The following MPPED2 variants were observed in gnomAD, a reference collection of about 807,000 sequenced individuals.
MPPED2 encodes metallophosphoesterase MPPED2.
In MPPED2, 5 loss-of-function variants were observed where a neutral mutation model predicts 33.0. That is an observed-to-expected ratio of 0.15 (90% CI 0.08 to 0.32). The LOEUF (loss-of-function observed/expected upper bound fraction) is 0.32. Ranked by LOEUF, MPPED2 falls within the 10% of genes least tolerant of loss-of-function variation. The probability of loss-of-function intolerance (pLI) is 1.00; values close to 1 mark genes in which losing one functional copy is unlikely to be tolerated. For synonymous variants in MPPED2, 136 were observed against 141.9 expected (o/e 0.96, Z 0.29); for missense variants, 275 against 372.1 (o/e 0.74, Z 2.15).
intron 2 of MPPED2, among the ~76,000 whole-genome samples, chr11:30,574,636 G>A (rs578046906): frequency 8.4e-4 from 128 of 152,206 alleles, no homozygotes; most frequent in African/African-American, 2.9e-3. Context: ...TTCCTTGATT[G>A]CAATATAAAA....
At chr11:30,468,922 T>C (rs1393561569) in intron 4 of MPPED2, 1 of 152,240 alleles carries the variant, frequency 6.6e-6, no homozygotes, top group Non-Finnish European at 1.5e-5. Context: ...TAGCCAGCCC[T>C]CCCTACACCT....
intron 2 of MPPED2, among the ~76,000 whole-genome samples, chr11:30,539,259 T>C (rs1954973516): frequency 6.6e-6 from 1 of 152,170 alleles, no homozygotes; most frequent in African/African-American, 2.4e-5. Flanking sequence ...TATATTTTCA[T>C]CCTTAGTTTA....
downstream of MPPED2, among the ~76,000 whole-genome samples, chr11:30,408,397 T>C (rs1488657321): frequency 6.6e-6 from 1 of 152,198 alleles, no homozygotes; most frequent in African/African-American, 2.4e-5. Context: ...CTGCAACCTC[T>C]GCCTCCTGGG....
At chr11:30,559,882 A>G (rs1384796112) in intron 2 of MPPED2, among the ~76,000 whole-genome samples, 1 of 152,008 alleles carries the variant, frequency 6.6e-6, no homozygotes, top group East Asian at 1.9e-4. Context: ...TCTTCACATT[A>G]TGCCCTATTT....
At chr11:30,402,206 C>A (rs1947918669) in intron 6 of MPPED2, among the ~76,000 whole-genome samples, 1 of 152,156 alleles carries the variant, frequency 6.6e-6, no homozygotes, top group African/African-American at 2.4e-5. Context: ...GCATCCCAGC[C>A]AAGCTATTCA....
At chr11:30,524,597 T>C (rs1954065289) in intron 3 of MPPED2, among the ~76,000 whole-genome samples, 1 of 152,150 alleles carries the variant, frequency 6.6e-6, no homozygotes, top group South Asian at 2.1e-4. Flanking sequence ...GGTCAGGCTA[T>C]AGTGGGTGAT....
chr11:30,572,788 C>T (rs1023950129), intron 2 of MPPED2, among the ~76,000 whole-genome samples: 13 of 152,054 alleles, frequency 8.5e-5, no homozygotes, highest in African/African-American at 2.9e-4. Context: ...CTTCTCTCAC[C>T]ACCATATCCC....
intron 2 of MPPED2, among the ~76,000 whole-genome samples, chr11:30,557,973 G>T (rs368668598): frequency 9.2e-5 from 14 of 152,136 alleles, no homozygotes; most frequent in Admixed American, 9.2e-4. Flanking sequence ...AAATAAATAC[G>T]AGTAAAGATA....
At chr11:30,524,224 G>C (rs1954036598) in intron 3 of MPPED2, among the ~76,000 whole-genome samples, 1 of 152,126 alleles carries the variant, frequency 6.6e-6, no homozygotes. Flanking sequence ...TTGCACTCCA[G>C]CCTGGGCGAC....
chr11:30,531,915 T>C (rs74581166), intron 3 of MPPED2, among the ~76,000 whole-genome samples: 3,579 of 152,326 alleles, frequency 0.023, 72 homozygotes, highest in Admixed American at 0.054. Flanking sequence ...CAGGATGTAG[T>C]TCCTCCAACA....
chr11:30,432,426 G>C (rs61884690), intron 4 of MPPED2, among the ~76,000 whole-genome samples: 32,740 of 135,904 alleles, frequency 0.24, 4,224 homozygotes, highest in Non-Finnish European at 0.3. Flanking sequence ...TAAAAATAAA[G>C]CAGGTTATAG....
At chr11:30,467,240 G>C (rs1950748127) in intron 4 of MPPED2, among the ~76,000 whole-genome samples, 1 of 152,144 alleles carries the variant, frequency 6.6e-6, no homozygotes, top group Non-Finnish European at 1.5e-5. Flanking sequence ...ACAGGGGTGA[G>C]GGTGAAGGGC....
intron 3 of MPPED2, among the ~76,000 whole-genome samples, chr11:30,497,544 C>G (rs774711566): frequency 6.6e-6 from 1 of 152,184 alleles, no homozygotes; most frequent in African/African-American, 2.4e-5. Context: ...GATGATGGGA[C>G]TCACTGTAAA....
At chr11:30,461,976 A>G (rs1950531949) in intron 4 of MPPED2, among the ~76,000 whole-genome samples, 1 of 152,234 alleles carries the variant, frequency 6.6e-6, no homozygotes, top group African/African-American at 2.4e-5. Context: ...CAACTTATCA[A>G]TTGTAAGTTA....
chr11:30,514,157 T>C (rs1444649603), intron 3 of MPPED2, among the ~76,000 whole-genome samples: 1 of 152,194 alleles, frequency 6.6e-6, no homozygotes, highest in Non-Finnish European at 1.5e-5. Flanking sequence ...AACTTATTCA[T>C]AGACCCAGGT....
chr11:30,450,732 T>A (rs946796174), intron 4 of MPPED2, among the ~76,000 whole-genome samples: 1 of 152,234 alleles, frequency 6.6e-6, no homozygotes, highest in Non-Finnish European at 1.5e-5. Context: ...TAACAGCATA[T>A]GTTTTAGTGG....
At chr11:30,386,755 C>G in exon 7 of MPPED2, 1 of 398,504 alleles carries the variant, frequency 2.5e-6, no homozygotes, top group East Asian at 3.6e-5. Context: ...GTCAAACCCT[C>G]CTGATTATGC....
intron 4 of MPPED2, among the ~76,000 whole-genome samples, chr11:30,457,596 C>T (rs889712851): frequency 2.6e-5 from 4 of 152,066 alleles, no homozygotes; most frequent in East Asian, 3.9e-4. Context: ...CATGTAAGAT[C>T]GTATTTAATC....
intron 3 of MPPED2, among the ~76,000 whole-genome samples, chr11:30,525,494 T>C (rs1364501316): frequency 1.3e-5 from 2 of 152,244 alleles, no homozygotes; most frequent in Admixed American, 1.3e-4. Context: ...TCCTGGCTTT[T>C]CTGCTAAGCT....
Sources: allele counts gnomAD v4.1 joint callset (sites outside exome capture counted in the v4.1 genomes callset), GRCh38; gene constraint gnomAD v4.1.1; transcripts MANE v1.5; gene names NCBI Gene and HGNC (gene_info 2026-07-23, HGNC 2026-07-21).